STIM2: variants seen among roughly 807,000 people sequenced by gnomAD.
STIM2 encodes the protein stromal interaction molecule 2.
STIM2 carries 31 observed loss-of-function variants against 85.8 expected under a neutral mutation model. That is an observed-to-expected ratio of 0.36 (90% CI 0.27 to 0.49). STIM2 has a LOEUF of 0.49. Ranked by LOEUF, STIM2 falls within the 20% of genes least tolerant of loss-of-function variation. The probability of loss-of-function intolerance (pLI) is 0.98; values close to 1 mark genes in which losing one functional copy is unlikely to be tolerated. For missense variants in STIM2, 841 were observed against 927.6 expected, an observed-to-expected ratio of 0.91 and a Z score of 1.21; for synonymous variants, 356 against 331.1, an observed-to-expected ratio of 1.08 and a Z score of -0.82.
At chr4:27,017,665 G>A (rs979253869) in intron 10 of STIM2, 46 bp from the exon 11 acceptor site, 1 of 1,605,768 alleles carries the variant, frequency 6.2e-7, no homozygotes, top group Non-Finnish European at 8.5e-7. Context: ...GACTGTAAAG[G>A]GAACCCTGGA....
chr4:26,908,489 T>C (rs1724212517), intron 1 of STIM2, among the ~76,000 whole-genome samples: 1 of 152,204 alleles, frequency 6.6e-6, no homozygotes, highest in African/African-American at 2.4e-5. Flanking sequence ...GTTTGTTTGT[T>C]TGTTTGCTTG....
intron 10 of STIM2, among the ~76,000 whole-genome samples, chr4:27,012,886 C>T (rs1728605565): frequency 6.6e-6 from 1 of 151,742 alleles, no homozygotes; most frequent in Non-Finnish European, 1.5e-5. Flanking sequence ...TAAATTTTAC[C>T]AAATTATTTT....
At chr4:26,966,418 G>A (rs1169601699) in intron 3 of STIM2, among the ~76,000 whole-genome samples, 1 of 152,046 alleles carries the variant, frequency 6.6e-6, no homozygotes, top group African/African-American at 2.4e-5. Context: ...TATTTTATTT[G>A]CTGCTTTTGA....
At chr4:26,909,438 T>TC (rs1724251216) in intron 1 of STIM2, among the ~76,000 whole-genome samples, 1 of 152,344 alleles carries the variant, frequency 6.6e-6, no homozygotes, top group South Asian at 2.1e-4. Flanking sequence ...GTTCTTTTTT[T>TC]CTCTATGGAG....
intron 3 of STIM2, among the ~76,000 whole-genome samples, chr4:26,960,909 C>T (rs1013479668): frequency 6.6e-6 from 1 of 151,562 alleles, no homozygotes; most frequent in Non-Finnish European, 1.5e-5. Flanking sequence ...ACTAAAAATA[C>T]AAAAATTAAC....
At chr4:26,989,703 T>C (rs1577482610) in intron 3 of STIM2, among the ~76,000 whole-genome samples, 1 of 152,210 alleles carries the variant, frequency 6.6e-6, no homozygotes, top group Non-Finnish European at 1.5e-5. Context: ...CATGATCTTA[T>C]ATTTAGAAAA....
intron 1 of STIM2, among the ~76,000 whole-genome samples, chr4:26,898,942 GAC>G (rs934529291): frequency 6.6e-6 from 1 of 151,486 alleles, no homozygotes; most frequent in Non-Finnish European, 1.5e-5. Context: ...CTCTGCAAAT[GAC>G]AGTTTTTTTT....
rs948982757 is a variant in STIM2, at chr4:27,024,551, C to G, written c.*1555C>G. 1.3e-5 allele frequency: 2 copies of G among 152,136 alleles called. No individual in the cohort carries two copies. The highest frequency in any genetic ancestry group is 4.8e-5 in the African/African-American group (2 of 41,410). The allele number at this position is 152,136 out of a possible 1,614,324, so 9.4% of individuals were successfully genotyped here. A position where few individuals can be genotyped will look rare whatever the true frequency, so the allele number is the denominator to read the frequency against. On this transcript the variant is annotated 3_prime_UTR_variant, in exon 12 of 12. Coordinates refer to ENST00000467087, the MANE Select transcript of STIM2 (RefSeq NM_020860.4). ...GCTTTAGTAAGAATATGAACAATTT[C>G]CTGATGTCTCCTATAAATTGTGATT...
intron 2 of STIM2, 50 bp from the exon 3 acceptor site, chr4:26,957,562 A>C: frequency 9.0e-7 from 1 of 1,105,284 alleles, no homozygotes; most frequent in Non-Finnish European, 1.3e-6. Flanking sequence ...TCTAGTTGTC[A>C]AGACTAAGGT....
chr4:26,947,367 C>A (rs115678997), intron 2 of STIM2, among the ~76,000 whole-genome samples: 158 of 152,126 alleles, frequency 1.0e-3, no homozygotes, highest in African/African-American at 2.9e-3. Flanking sequence ...AAATTCATAT[C>A]GAAACGTATT....
chr4:26,901,920 T>G (rs1277044762), intron 1 of STIM2, among the ~76,000 whole-genome samples: 1 of 152,152 alleles, frequency 6.6e-6, no homozygotes, highest in African/African-American at 2.4e-5. Flanking sequence ...TAAAATGTTA[T>G]TAAGAGTGCA....
At chr4:26,992,429 C>T (rs1209241484) in intron 3 of STIM2, among the ~76,000 whole-genome samples, 1 of 151,828 alleles carries the variant, frequency 6.6e-6, no homozygotes, top group African/African-American at 2.4e-5. Flanking sequence ...GATTAATAAT[C>T]AGGGGCTGGG....
At chr4:27,006,788 C>T (rs995915900) in intron 7 of STIM2, among the ~76,000 whole-genome samples, 1 of 152,140 alleles carries the variant, frequency 6.6e-6, no homozygotes, top group Non-Finnish European at 1.5e-5. Context: ...TGCATAGTTT[C>T]TCATGAGAAA....
chr4:26,931,606 A>G (rs984773626), intron 2 of STIM2, among the ~76,000 whole-genome samples: 1 of 152,048 alleles, frequency 6.6e-6, no homozygotes, highest in African/African-American at 2.4e-5. Flanking sequence ...GTGAATGGTG[A>G]CTCTAATTAC....
chr4:26,941,860 T>A (rs1190254149), intron 2 of STIM2, among the ~76,000 whole-genome samples: 2 of 152,188 alleles, frequency 1.3e-5, no homozygotes, highest in Non-Finnish European at 2.9e-5. Flanking sequence ...TTTAGGTGTA[T>A]AGTTTGATGA....
chr4:26,911,081 A>G (rs1015900518), intron 1 of STIM2, among the ~76,000 whole-genome samples: 4 of 152,022 alleles, frequency 2.6e-5, no homozygotes, highest in Non-Finnish European at 4.4e-5. Context: ...TACTAAAAAT[A>G]CAAAAATGAG....
At chr4:27,008,112 A>G (rs953289635) in intron 8 of STIM2, 6 of 675,456 alleles carry the variant, frequency 8.9e-6, no homozygotes, top group East Asian at 5.4e-5. Flanking sequence ...TTCACTCACT[A>G]GCACCATTGT....
intron 2 of STIM2, among the ~76,000 whole-genome samples, chr4:26,934,958 A>T (rs1466497718): frequency 3.3e-5 from 5 of 151,662 alleles, no homozygotes; most frequent in Non-Finnish European, 7.4e-5. Flanking sequence ...ACTTATTTAT[A>T]CTAGTTTAGG....
chr4:26,890,518 C>G (rs561946104), intron 1 of STIM2, among the ~76,000 whole-genome samples: 1 of 152,202 alleles, frequency 6.6e-6, no homozygotes, highest in East Asian at 1.9e-4. Flanking sequence ...GGCCCCGTAG[C>G]AAGCCAAAAT....
Sources: allele counts gnomAD v4.1 joint callset (sites outside exome capture counted in the v4.1 genomes callset), GRCh38; gene constraint gnomAD v4.1.1; transcripts MANE v1.5; gene names NCBI Gene and HGNC (gene_info 2026-07-23, HGNC 2026-07-21).